ZNF544: variants seen among roughly 807,000 people sequenced by gnomAD.
ZNF544 encodes the protein zinc finger protein 544.
ZNF544 carries 10 observed loss-of-function variants against 13.5 expected under a neutral mutation model. The ratio of observed to expected loss-of-function variants is 0.74; its 90% CI spans 0.46 to 1.25. ZNF544 has a LOEUF of 1.25. Ranked by LOEUF, ZNF544 falls within the 50% of genes most tolerant of loss-of-function variation. ZNF544 has a pLI of 0.00. For missense variants in ZNF544, 896 were observed against 845.6 expected, an observed-to-expected ratio of 1.06 and a Z score of -0.74; for synonymous variants, 323 against 300.5, an observed-to-expected ratio of 1.07 and a Z score of -0.77.
At chr19:58,232,765 TAAAA>T (rs529610316) in intron 3 of ZNF544, among the ~76,000 whole-genome samples, 1,105 of 108,156 alleles carry the variant, frequency 0.01, 13 homozygotes, top group African/African-American at 0.033. Context: ...CCGTCTCTAC[TAAAA>T]AAAAAAAAAA....
At chr19:58,264,289 A>G (rs1476247589), downstream of ZNF544, among the ~76,000 whole-genome samples, 1 of 150,366 alleles carries the variant, frequency 6.7e-6, no homozygotes. Flanking sequence ...CGGGAGGCTG[A>G]GGCAGGAGAA....
rs756898784 is a variant in ZNF544, at chr19:58,262,247, G to C, written c.1641G>C (p.Pro547=). 4 of 1,613,702 alleles carry C rather than the reference G, an allele frequency of 2.5e-6. No individual in the cohort carries two copies. Among genetic ancestry groups the C allele is most frequent in the Middle Eastern group, 1.7e-4 (1 of 6,060 alleles). ...AGCGAATTCACACTGGAGAAAAACC[G>C]TATCAGTGTATTGAATGTGGGAAAT... ...THQRIHTGEK[P]YQCIECGKSF... is the part of the protein sequence containing the mutation. Residue 547 remains proline (P), a synonymous_variant, in exon 7 of 7, where the codon CCG becomes CCC. Transcript: ENST00000687789.
At position 58,261,379 on chromosome 19, in the gene ZNF544, G is replaced by C. The variant is rs564427087; in HGVS notation, c.773G>C (p.Cys258Ser). The C allele has an allele frequency of 1.2e-6, 2 of 1,614,100 alleles. No homozygotes were observed. The highest frequency in any genetic ancestry group is 2.7e-5 in the African/African-American group (2 of 75,028). ...GDSLNYGSSLCFHGRTFSVKK... is the reference protein window; with the variant it reads ...GDSLNYGSSLSFHGRTFSVKK... ...TCTCTCAACTATGGTTCCTCCCTTT[G>C]TTTTCATGGTAGAACTTTTTCAGTG... The change falls in exon 7 of 7, where the codon TGT becomes TCT. Residue 258 changes from cysteine to serine, a missense_variant. Cys to Ser is a moderately radical substitution (Grantham distance 112). Coordinates refer to ENST00000687789, the MANE Select transcript of ZNF544 (RefSeq NM_014480.4).
At chr19:58,234,973 CAGGA>C (rs1270325357) in intron 3 of ZNF544, among the ~76,000 whole-genome samples, 1 of 152,184 alleles carries the variant, frequency 6.6e-6, no homozygotes, top group Non-Finnish European at 1.5e-5. Context: ...TGTATTGACA[CAGGA>C]AGATTTCTCT....
chr19:58,246,563 T>C, intron 5 of ZNF544, 136 bp downstream of exon 5: 1 of 1,474,276 alleles, frequency 6.8e-7, no homozygotes, highest in Non-Finnish European at 9.2e-7. Context: ...GGGGTTGCCC[T>C]TCATTCTATC....
intron 3 of ZNF544, among the ~76,000 whole-genome samples, chr19:58,232,543 G>A (rs1162854007): frequency 6.6e-6 from 1 of 151,042 alleles, no homozygotes. Context: ...GTAGAGACTT[G>A]GTCTCACTTA....
chr19:58,250,627 G>A (rs2046141845), intron 6 of ZNF544, among the ~76,000 whole-genome samples: 1 of 152,070 alleles, frequency 6.6e-6, no homozygotes, highest in African/African-American at 2.4e-5. Flanking sequence ...CCAAAATTTT[G>A]GCTTCTCTTA....
At chr19:58,270,940 G>A (rs1362330340) in intron 5 of ZNF544, among the ~76,000 whole-genome samples, 1 of 152,084 alleles carries the variant, frequency 6.6e-6, no homozygotes, top group African/African-American at 2.4e-5. Context: ...GGCTGGATGC[G>A]GTGGCTTATG....
At chr19:58,275,783 C>CAAAAAAAAAAAAAAA (rs57148438) in intron 5 of ZNF544, among the ~76,000 whole-genome samples, 1 of 66,220 alleles carries the variant, frequency 1.5e-5, no homozygotes, top group Non-Finnish European at 2.8e-5. Flanking sequence ...GACCCTGTCT[C>CAAAAAAAAAAAAAAA]AAAAAAAAAA....
intron 6 of ZNF544, among the ~76,000 whole-genome samples, chr19:58,256,187 G>T (rs1221783786): frequency 6.6e-6 from 1 of 152,022 alleles, no homozygotes; most frequent in East Asian, 1.9e-4. Context: ...AGAAAAGAAA[G>T]AAATCCCAAA....
At chr19:58,249,554 C>G (rs558541832) in intron 6 of ZNF544, among the ~76,000 whole-genome samples, 1 of 152,300 alleles carries the variant, frequency 6.6e-6, no homozygotes, top group South Asian at 2.1e-4. Flanking sequence ...AGGAAGGAGC[C>G]ATGAACCCCA....
chr19:58,253,037 C>T (rs2046558477), intron 6 of ZNF544, among the ~76,000 whole-genome samples: 2 of 152,188 alleles, frequency 1.3e-5, no homozygotes, highest in East Asian at 3.9e-4. Context: ...CCAGGATGGG[C>T]TCGATTTCCT....
At position 58,260,857 on chromosome 19, in the gene ZNF544, A is replaced by T. The variant is rs2048779351; in HGVS notation, c.251A>T (p.Lys84Ile). 1 of 1,585,362 alleles carries T rather than the reference A, an allele frequency of 6.3e-7. No homozygotes were observed. Among genetic ancestry groups the T allele is most frequent in the African/African-American group, 1.4e-5 (1 of 73,746 alleles). ...CATTTTGGATTTCTTTCAGACTGGA[A>T]AGCTACCCTTGAGGAGAATAGGTTG... is the stretch of plus-strand genomic sequence containing the variant. ...RAEQEAPRDWKATLEENRLNS... is the reference protein window; with the variant it reads ...RAEQEAPRDWIATLEENRLNS... The change falls in exon 7 of 7, where the codon AAA becomes ATA. Residue 84 changes from lysine to isoleucine, a missense_variant. By Grantham distance (102) the Lys-to-Ile change is moderately radical (BLOSUM62 -3). Transcript: ENST00000687789.
At chr19:58,264,840 C>G (rs1396283236), downstream of ZNF544, among the ~76,000 whole-genome samples, 19 of 151,996 alleles carry the variant, frequency 1.3e-4, no homozygotes, top group Admixed American at 1.2e-3. Flanking sequence ...GACCCCATCT[C>G]TACAAAAAAT....
intron 6 of ZNF544, chr19:58,251,293 C>T: frequency 1.9e-6 from 1 of 518,882 alleles, no homozygotes; most frequent in Non-Finnish European, 3.8e-6. Context: ...TATCTTTTGG[C>T]TGTCTTTTAA....
rs1171343299 is a variant in ZNF544, at chr19:58,261,665, A to G, written c.1059A>G (p.Pro353=). 6.2e-7 allele frequency: 1 copy of G among 1,614,248 alleles called. No individual in the cohort carries two copies. The highest frequency in any genetic ancestry group is 1.3e-5 in the African/African-American group (1 of 75,076). Residue 353 remains proline (P), a synonymous_variant, in exon 7 of 7, where the codon CCA becomes CCG. Transcript: ENST00000687789. ...ACATCATTCAGACTACAGAGAAGCC[A>G]TCTGTGTGTAATCAGTGTGGAAAAT... ...DCNIIQTTEK[P]SVCNQCGKSF...
intron 3 of ZNF544, among the ~76,000 whole-genome samples, chr19:58,233,654 G>GC (rs1369000873): frequency 6.6e-6 from 1 of 152,076 alleles, no homozygotes; most frequent in East Asian, 1.9e-4. Flanking sequence ...TGTACACAAG[G>GC]CCCCTCCTAT....
At chr19:58,260,128 T>G (rs1311732656) in intron 6 of ZNF544, among the ~76,000 whole-genome samples, 2 of 152,168 alleles carry the variant, frequency 1.3e-5, no homozygotes, top group Non-Finnish European at 2.9e-5. Context: ...AATAAAATTC[T>G]AATCACATCT....
At chr19:58,251,739 G>C (rs1375726097) in intron 6 of ZNF544, among the ~76,000 whole-genome samples, 1 of 152,130 alleles carries the variant, frequency 6.6e-6, no homozygotes, top group African/African-American at 2.4e-5. Context: ...TTTTTCTCTA[G>C]GGGAATTATG....
Sources: allele counts gnomAD v4.1 joint callset (sites outside exome capture counted in the v4.1 genomes callset), GRCh38; gene constraint gnomAD v4.1.1; transcripts MANE v1.5; gene names NCBI Gene and HGNC (gene_info 2026-07-23, HGNC 2026-07-21).